The following ELOVL6 variants were observed in gnomAD, a reference collection of about 807,000 sequenced individuals.
ELOVL6 encodes the protein very long chain fatty acid elongase 6.
A neutral mutation model predicts 31.7 loss-of-function variants in ELOVL6; 8 were observed. That is an observed-to-expected ratio of 0.25 (90% CI 0.15 to 0.45). The LOEUF (loss-of-function observed/expected upper bound fraction) is 0.45, where lower values mean the gene tolerates loss of function less well. Among genes scored for constraint, ELOVL6 ranks in the 20% least tolerant of loss-of-function variants. The pLI is 1.00. For synonymous variants in ELOVL6, 101 were observed against 117.7 expected (o/e 0.86, Z 0.92); for missense variants, 126 against 326.4 (o/e 0.39, Z 4.73).
intron 3 of ELOVL6, among the ~76,000 whole-genome samples, chr4:110,054,985 T>A (rs1560798786): frequency 6.6e-6 from 1 of 152,176 alleles, no homozygotes. Context: ...CAGCAATGGC[T>A]CTGGAGCTGA....
intron 2 of ELOVL6, among the ~76,000 whole-genome samples, chr4:110,066,568 G>A (rs898160509): frequency 2.7e-5 from 4 of 150,556 alleles, no homozygotes; most frequent in African/African-American, 7.4e-5. Flanking sequence ...GAACGCAGGA[G>A]GGGGAGCCTG....
At chr4:110,175,543 CAT>C (rs1759078436) in intron 1 of ELOVL6, among the ~76,000 whole-genome samples, 2 of 152,112 alleles carry the variant, frequency 1.3e-5, no homozygotes, top group African/African-American at 4.8e-5. Flanking sequence ...ATAACTAAAA[CAT>C]ATACAGCATC....
At chr4:110,115,993 C>T (rs1370334787) in intron 1 of ELOVL6, among the ~76,000 whole-genome samples, 1 of 152,116 alleles carries the variant, frequency 6.6e-6, no homozygotes, top group African/African-American at 2.4e-5. Context: ...GGTCACGTCA[C>T]CTTATCTGAC....
intron 2 of ELOVL6, among the ~76,000 whole-genome samples, chr4:110,103,005 G>A (rs928092996): frequency 2.6e-5 from 4 of 152,134 alleles, no homozygotes; most frequent in Admixed American, 6.5e-5. Flanking sequence ...TCTCATGATA[G>A]TGAATAAGTC....
chr4:110,148,987 A>G (rs1758207345), intron 1 of ELOVL6, among the ~76,000 whole-genome samples: 1 of 152,156 alleles, frequency 6.6e-6, no homozygotes, highest in Non-Finnish European at 1.5e-5. Flanking sequence ...TGGCCTCCCA[A>G]GTAGCTGGGA....
At chr4:110,149,570 T>C (rs763073296) in intron 1 of ELOVL6, among the ~76,000 whole-genome samples, 1 of 152,076 alleles carries the variant, frequency 6.6e-6, no homozygotes, top group Non-Finnish European at 1.5e-5. Context: ...GCTAAATAAT[T>C]TGTACAGAAG....
At chr4:110,123,738 A>C (rs1313245381) in intron 1 of ELOVL6, among the ~76,000 whole-genome samples, 2 of 152,132 alleles carry the variant, frequency 1.3e-5, no homozygotes, top group African/African-American at 4.8e-5. Flanking sequence ...TCAAAGGTAA[A>C]ATTTACCAGA....
chr4:110,134,314 C>T (rs999179406), intron 1 of ELOVL6, among the ~76,000 whole-genome samples: 2 of 152,084 alleles, frequency 1.3e-5, no homozygotes, highest in African/African-American at 4.8e-5. Flanking sequence ...GTCCTTCCTT[C>T]GATACTCCAT....
At chr4:110,193,344 C>G (rs1759677557) in intron 1 of ELOVL6, among the ~76,000 whole-genome samples, 1 of 152,154 alleles carries the variant, frequency 6.6e-6, no homozygotes, top group African/African-American at 2.4e-5. Flanking sequence ...GTGGCTCAAG[C>G]CTGTTATCTC....
intron 3 of ELOVL6, among the ~76,000 whole-genome samples, chr4:110,057,405 C>T (rs1022083070): frequency 6.6e-6 from 1 of 151,938 alleles, no homozygotes; most frequent in African/African-American, 2.4e-5. Context: ...GGGGAAATCA[C>T]GTTTCATGCA....
chr4:110,096,016 CA>C (rs1756570886), intron 2 of ELOVL6, among the ~76,000 whole-genome samples: 1 of 110,736 alleles, frequency 9.0e-6, no homozygotes, highest in African/African-American at 4.0e-5. Flanking sequence ...TTGGAAATAT[CA>C]CAGACAGGCA....
At chr4:110,077,932 C>A (rs953294008) in intron 2 of ELOVL6, among the ~76,000 whole-genome samples, 1 of 152,134 alleles carries the variant, frequency 6.6e-6, no homozygotes, top group Non-Finnish European at 1.5e-5. Flanking sequence ...ATGAGAACTA[C>A]GTGATGAATG....
intron 1 of ELOVL6, among the ~76,000 whole-genome samples, chr4:110,132,886 AATAGCAAT>A (rs1757708306): frequency 6.6e-6 from 1 of 152,018 alleles, no homozygotes; most frequent in Non-Finnish European, 1.5e-5. Context: ...AGAGATAGTT[AATAGCAAT>A]ATAGGACTTA....
chr4:110,064,436 A>G (rs573390441), intron 2 of ELOVL6, among the ~76,000 whole-genome samples: 1 of 152,118 alleles, frequency 6.6e-6, no homozygotes, highest in South Asian at 2.1e-4. Flanking sequence ...TCTATTTTGT[A>G]CTGTGTACAT....
At chr4:110,052,887 C>T (rs941518035) in intron 3 of ELOVL6, among the ~76,000 whole-genome samples, 1 of 152,180 alleles carries the variant, frequency 6.6e-6, no homozygotes, top group African/African-American at 2.4e-5. Flanking sequence ...CCTTCATGAC[C>T]TTTGGTGAAC....
rs1560813712 is a variant in ELOVL6 at position 110,084,045 on chromosome 4, C to CCATATATGGTATATAAGAT, written c.221+21451_221+21452insATCTTATATACCATATATG. Among the ~76,000 whole-genome samples, 106 of 24,796 alleles carry CCATATATGGTATATAAGAT rather than the reference C, an allele frequency of 4.3e-3. 9 individuals carry two copies. Among genetic ancestry groups the CCATATATGGTATATAAGAT allele is most frequent in the African/African-American group, 0.011 (104 of 9,404 alleles). 16.3% of individuals were successfully genotyped at this position (24,796 alleles called of 152,430 possible). A position where few individuals can be genotyped will look rare whatever the true frequency, so the allele number is the denominator to read the frequency against. The stretch of plus-strand genomic sequence containing the variant: ...CATATGCCATATATGGTATATAACA[C>CCATATATGGTATATAAGAT]ATGCTATATATGATATATAACATAT... On this transcript the variant is annotated intron_variant, in intron 2 of 3. Transcript: ENST00000302274.
intron 1 of ELOVL6, among the ~76,000 whole-genome samples, chr4:110,163,610 A>G (rs913774319): frequency 6.6e-6 from 1 of 152,236 alleles, no homozygotes; most frequent in Admixed American, 6.5e-5. Flanking sequence ...ATAAAATGCT[A>G]GAAGGGTGAT....
intron 2 of ELOVL6, among the ~76,000 whole-genome samples, chr4:110,071,642 T>G (rs959289750): frequency 1.9e-4 from 29 of 152,166 alleles, no homozygotes; most frequent in Admixed American, 1.8e-3. Context: ...CAGCCTTCCC[T>G]CCACAGTTTC....
chr4:110,167,857 A>G (rs1758824829), intron 1 of ELOVL6, among the ~76,000 whole-genome samples: 1 of 152,114 alleles, frequency 6.6e-6, no homozygotes, highest in Non-Finnish European at 1.5e-5. Flanking sequence ...TTTGGAGAGA[A>G]AAAATAAAAC....
Sources: allele counts gnomAD v4.1 joint callset (sites outside exome capture counted in the v4.1 genomes callset), GRCh38; gene constraint gnomAD v4.1.1; transcripts MANE v1.5; gene names NCBI Gene and HGNC (gene_info 2026-07-23, HGNC 2026-07-21).